RIPOR2: variants seen among roughly 807,000 people sequenced by gnomAD.
The protein encoded by RIPOR2 is RHO family interacting cell polarization regulator 2, also known as rho family-interacting cell polarization regulator 2.
Under a neutral mutation model 114.5 loss-of-function variants are expected in RIPOR2, and 39 were observed. That is an observed-to-expected ratio of 0.34 (90% CI 0.26 to 0.44). The LOEUF is 0.44. Ranked by LOEUF, RIPOR2 falls within the 20% of genes least tolerant of loss-of-function variation. The pLI is 1.00. For synonymous variants in RIPOR2, 445 were observed against 484.4 expected (o/e 0.92, Z 1.07); for missense variants, 1,007 against 1,255.1 (o/e 0.80, Z 2.99).
chr6:24,868,297 G>A (rs1764824750), intron 6 of RIPOR2, among the ~76,000 whole-genome samples: 1 of 152,210 alleles, frequency 6.6e-6, no homozygotes, highest in South Asian at 2.1e-4. Flanking sequence ...GACATAGCAA[G>A]TGAGTAGGTG....
In RIPOR2 at chr6:25,019,367, T is replaced by C. The variant is rs1182844430; in HGVS notation, c.76+22484A>G. Reference sequence around the variant, plus strand: ...TGTATTAGGAGCCTTAAAAAACGTATGCCCTTTGATTTATACTCTAGGATC... The same window carrying C: ...TGTATTAGGAGCCTTAAAAAACGTACGCCCTTTGATTTATACTCTAGGATC... On this transcript the variant is annotated intron_variant, in intron 1 of 13. Transcript: ENST00000510784. 2.0e-5 allele frequency among the ~76,000 whole-genome samples: 3 copies of C among 151,840 alleles called. No individual in the cohort carries two copies. In the East Asian group the frequency reaches 5.8e-4, roughly 29 times the overall value.
chr6:24,901,129 T>C (rs1768399246), intron 1 of RIPOR2, among the ~76,000 whole-genome samples: 1 of 152,174 alleles, frequency 6.6e-6, no homozygotes, highest in African/African-American at 2.4e-5. Context: ...ATGCAGAATC[T>C]TATGTGCCAG....
chr6:24,903,467 C>T (rs1306069686), intron 1 of RIPOR2, among the ~76,000 whole-genome samples: 7 of 151,958 alleles, frequency 4.6e-5, no homozygotes, highest in African/African-American at 1.7e-4. Flanking sequence ...TGCCAATCTG[C>T]CATATGGATG....
chr6:24,875,878 A>C, intron 1 of RIPOR2, 61 bp from the exon 2 acceptor site: 1 of 1,480,152 alleles, frequency 6.8e-7, no homozygotes, highest in Non-Finnish European at 9.2e-7. Context: ...AGATGCACTA[A>C]GCTTGTCAAC....
chr6:24,959,151 A>C (rs1348029740), intron 1 of RIPOR2, among the ~76,000 whole-genome samples: 1 of 151,902 alleles, frequency 6.6e-6, no homozygotes, highest in Non-Finnish European at 1.5e-5. Context: ...TTCTCCCTGC[A>C]TCTCTGTGTC....
chr6:24,852,633 T>C lies in RIPOR2; in HGVS notation c.716-15A>G, dbSNP rs1021727770. On this transcript the variant is annotated splice_polypyrimidine_tract_variant and intron_variant, in intron 8 of 21. Coordinates refer to ENST00000643898, the MANE Select transcript of RIPOR2 (RefSeq NM_001286445.3). Reference sequence around the variant, plus strand: ...GCCAGCCAGACCTGTAACCAAGAAATTGGAAGGTGAGGTGTAGAACATATT... The same window carrying C: ...GCCAGCCAGACCTGTAACCAAGAAACTGGAAGGTGAGGTGTAGAACATATT... 1.3e-6 allele frequency: 2 copies of C among 1,582,406 alleles called. No homozygotes were observed. Among genetic ancestry groups the C allele is most frequent in the South Asian group, 2.3e-5 (2 of 85,688 alleles).
intron 1 of RIPOR2, among the ~76,000 whole-genome samples, chr6:24,952,359 T>C (rs1772821565): frequency 6.6e-6 from 1 of 152,194 alleles, no homozygotes; most frequent in Non-Finnish European, 1.5e-5. Flanking sequence ...TCATGTTGGC[T>C]GCTGGGGATA....
chr6:24,958,710 G>T (rs1379591522), intron 1 of RIPOR2, among the ~76,000 whole-genome samples: 2 of 152,068 alleles, frequency 1.3e-5, no homozygotes, highest in African/African-American at 2.4e-5. Context: ...GGTATACGAT[G>T]GTTTATTCAT....
intron 15 of RIPOR2, among the ~76,000 whole-genome samples, chr6:24,834,131 T>C (rs1304363525): frequency 6.6e-6 from 1 of 152,026 alleles, no homozygotes; most frequent in Admixed American, 6.6e-5. Flanking sequence ...ATCAGTCTCA[T>C]GGTTTGTGAG....
chr6:24,842,445 G>T (rs1761811973), intron 13 of RIPOR2, among the ~76,000 whole-genome samples: 1 of 152,180 alleles, frequency 6.6e-6, no homozygotes. Flanking sequence ...AGCAGGCAGT[G>T]GCTCATGGCT....
In RIPOR2 at chr6:24,862,528, A is replaced by C. The variant is rs527518866; in HGVS notation, c.652-1492T>G. ...AATGGCATTGCTTTTTCCCTTGTAA[A>C]TTCTCACTACCTGAACTAGCTAGCA... On this transcript the variant is annotated intron_variant, in intron 7 of 21. Transcript: ENST00000643898. Among the ~76,000 whole-genome samples the C allele has an allele frequency of 2.0e-5, 3 of 152,304 alleles. No homozygotes were observed. In the East Asian group the frequency reaches 5.8e-4, roughly 29 times the overall value.
intron 20 of RIPOR2, among the ~76,000 whole-genome samples, chr6:24,817,976 C>CTTTTT (rs758675486): frequency 1.2e-5 from 1 of 84,448 alleles, no homozygotes; most frequent in South Asian, 3.1e-4. Context: ...CTCTCTCTCT[C>CTTTTT]TCTTTTTTTT....
At chr6:24,984,558 C>T (rs1774450582) in intron 1 of RIPOR2, among the ~76,000 whole-genome samples, 1 of 151,808 alleles carries the variant, frequency 6.6e-6, no homozygotes, top group South Asian at 2.1e-4. Flanking sequence ...TGGAGCTGGG[C>T]CCGGTGGTGC....
At chr6:24,874,348 C>T (rs2113893716) in intron 2 of RIPOR2, among the ~76,000 whole-genome samples, 1 of 152,290 alleles carries the variant, frequency 6.6e-6, no homozygotes, top group East Asian at 1.9e-4. Flanking sequence ...TGGCTTCAAG[C>T]AATCCTCCAG....
At chr6:24,969,203 G>A (rs1561815172) in intron 1 of RIPOR2, among the ~76,000 whole-genome samples, 1 of 152,162 alleles carries the variant, frequency 6.6e-6, no homozygotes, top group Non-Finnish European at 1.5e-5. Context: ...TATGTGCTCT[G>A]GGGTGATGCC....
intron 7 of RIPOR2, among the ~76,000 whole-genome samples, chr6:24,864,631 CA>C (rs1308202300): frequency 1.1e-4 from 16 of 152,156 alleles, no homozygotes; most frequent in African/African-American, 2.9e-4. Flanking sequence ...GTCATTTCAT[CA>C]AAGACATTGG....
chr6:24,949,939 T>C (rs954969571), intron 1 of RIPOR2, among the ~76,000 whole-genome samples: 2 of 152,226 alleles, frequency 1.3e-5, no homozygotes, highest in Admixed American at 1.3e-4. Context: ...TGTTAAGTAT[T>C]GTGAGTGAGT....
chr6:24,944,563 T>C (rs755764962), intron 1 of RIPOR2, among the ~76,000 whole-genome samples: 1 of 152,156 alleles, frequency 6.6e-6, no homozygotes, highest in Non-Finnish European at 1.5e-5. Context: ...TTATGAAACA[T>C]GCAAAGAAGC....
chr6:24,825,125 G>C, intron 19 of RIPOR2, 101 bp downstream of exon 19: 1 of 898,372 alleles, frequency 1.1e-6, no homozygotes, highest in East Asian at 2.7e-5. Flanking sequence ...TTAATACGCA[G>C]AAAAATTATT....
Sources: allele counts gnomAD v4.1 joint callset (sites outside exome capture counted in the v4.1 genomes callset), GRCh38; gene constraint gnomAD v4.1.1; transcripts MANE v1.5; gene names NCBI Gene and HGNC (gene_info 2026-07-23, HGNC 2026-07-21).